The following PAG1 variants were observed in gnomAD, a reference collection of about 807,000 sequenced individuals.
The protein encoded by PAG1 is phosphoprotein associated with glycosphingolipid-enriched microdomains 1.
A neutral mutation model predicts 31.7 loss-of-function variants in PAG1; 23 were observed. The observed-to-expected ratio is 0.73, with a 90% confidence interval of 0.52 to 1.03. The LOEUF (loss-of-function observed/expected upper bound fraction) is 1.03, where lower values mean the gene tolerates loss of function less well. Ranked by LOEUF, PAG1 falls within the 50% of genes least tolerant of loss-of-function variation. The pLI, the probability that PAG1 is intolerant of heterozygous loss-of-function variation, is 0.00. For synonymous variants in PAG1, 214 were observed against 210.3 expected (o/e 1.02, Z -0.15); for missense variants, 473 against 540.7 (o/e 0.87, Z 1.24).
intron 8 of PAG1, among the ~76,000 whole-genome samples, chr8:80,978,474 A>T (rs1431371194): frequency 6.6e-6 from 1 of 152,162 alleles, no homozygotes; most frequent in Non-Finnish European, 1.5e-5. Flanking sequence ...GTGAGGGGAG[A>T]CGGCATACCA....
chr8:81,043,568 A>G (rs1274512051), intron 2 of PAG1, among the ~76,000 whole-genome samples: 1 of 152,206 alleles, frequency 6.6e-6, no homozygotes. Flanking sequence ...CATTCAATGA[A>G]TGGTGTGGTT....
chr8:80,986,736 C>T (rs1047077950), intron 6 of PAG1, among the ~76,000 whole-genome samples: 3 of 146,442 alleles, frequency 2.0e-5, no homozygotes, highest in Admixed American at 7.0e-5. Flanking sequence ...AGATGACTCC[C>T]GGATGAGAGG....
chr8:81,059,042 C>T (rs1038339323), intron 2 of PAG1, among the ~76,000 whole-genome samples: 4 of 151,952 alleles, frequency 2.6e-5, no homozygotes, highest in Non-Finnish European at 5.9e-5. Flanking sequence ...GGTTCCAGAA[C>T]CCCCCTCAGA....
chr8:80,987,516 C>T, intron 5 of PAG1, 50 bp from the exon 6 acceptor site: 1 of 1,283,758 alleles, frequency 7.8e-7, no homozygotes. Context: ...TGCTAAGAAT[C>T]TGGACTGCAG....
intron 1 of PAG1, among the ~76,000 whole-genome samples, chr8:81,106,492 T>C (rs1462688048): frequency 6.6e-6 from 1 of 152,170 alleles, no homozygotes; most frequent in Non-Finnish European, 1.5e-5. Flanking sequence ...ATAAACAGTC[T>C]ACATTTAGGA....
At chr8:81,059,487 C>T (rs1207468527) in intron 2 of PAG1, among the ~76,000 whole-genome samples, 1 of 152,066 alleles carries the variant, frequency 6.6e-6, no homozygotes, top group African/African-American at 2.4e-5. Flanking sequence ...ATACCTCCTG[C>T]TTGGAAGAAG....
intron 1 of PAG1, among the ~76,000 whole-genome samples, chr8:81,103,801 CCTT>C (rs933865200): frequency 1.1e-4 from 16 of 152,224 alleles, no homozygotes; most frequent in African/African-American, 3.9e-4. Context: ...TCATTTATCA[CCTT>C]CTCTTTCAGT....
Position 80,976,612 on chromosome 8 carries a change from C to G in PAG1, c.1231G>C (p.Val411Leu), listed in dbSNP as rs193072874. ...TLGTNGHHGL[V>L]PKENDYESIS... ...CTCTCGTAGTCGTTCTCCTTTGGGA[C>G]GAGACCGTGGTGGCCATTGGTCCCC... Residue 411 changes from valine (V) to leucine (L), a missense_variant, in exon 9 of 9, where the codon GTC becomes CTC. Coordinates refer to ENST00000220597, the MANE Select transcript of PAG1 (RefSeq NM_018440.4). 6.2e-7 allele frequency: 1 copy of G among 1,614,048 alleles called. No individual in the cohort carries two copies. Among genetic ancestry groups the G allele is most frequent in the South Asian group, 1.1e-5 (1 of 91,084 alleles).
intron 6 of PAG1, among the ~76,000 whole-genome samples, chr8:80,986,184 A>G (rs1807416013): frequency 1.3e-5 from 2 of 152,146 alleles, no homozygotes; most frequent in African/African-American, 4.8e-5. Flanking sequence ...AATTAGAAAT[A>G]GTGTTTCCAA....
rs1474621287 is a variant in PAG1, at chr8:81,065,139, T to C, written c.-175+4973A>G. On this transcript the variant is annotated intron_variant, in intron 2 of 8. Coordinates refer to ENST00000220597, the MANE Select transcript of PAG1 (RefSeq NM_018440.4). ...CCTCTAACTGGAGCTGTGTCCTCCC[T>C]GGCCCCCTTGGTGTCCTCAATGGCA... Among the ~76,000 whole-genome samples the C allele has an allele frequency of 2.0e-5, 3 of 152,200 alleles. No individual in the cohort carries two copies. The East Asian group carries it at 5.8e-4, about 29-fold the overall frequency.
intron 7 of PAG1, 69 bp downstream of exon 7, chr8:80,984,707 T>A: frequency 6.9e-7 from 1 of 1,456,584 alleles, no homozygotes; most frequent in Non-Finnish European, 9.4e-7. Context: ...CCAGAACAAC[T>A]CCAGGGCCAG....
intron 1 of PAG1, 91 bp from the exon 2 acceptor site, chr8:81,070,261 T>C (rs1809071377): frequency 6.6e-6 from 1 of 152,232 alleles, no homozygotes; most frequent in Non-Finnish European, 1.5e-5. Context: ...TCTTGTTATT[T>C]ACTTATTTAA....
intron 1 of PAG1, among the ~76,000 whole-genome samples, chr8:81,076,433 A>G (rs1809179304): frequency 6.6e-6 from 1 of 152,244 alleles, no homozygotes; most frequent in Admixed American, 6.5e-5. Flanking sequence ...TAATAAGCCT[A>G]TGTACACACA....
chr8:81,102,001 C>T (rs1809617301), intron 1 of PAG1, among the ~76,000 whole-genome samples: 2 of 152,040 alleles, frequency 1.3e-5, no homozygotes, highest in Admixed American at 6.5e-5. Flanking sequence ...TTAATAAATA[C>T]AGTAGTGTCA....
At chr8:81,084,037 A>G (rs76520630) in intron 1 of PAG1, among the ~76,000 whole-genome samples, 2 of 122,040 alleles carry the variant, frequency 1.6e-5, no homozygotes, top group Admixed American at 7.5e-5. Flanking sequence ...TCCATCTTAG[A>G]AAAAAAAAAA....
intron 1 of PAG1, among the ~76,000 whole-genome samples, chr8:81,095,879 G>A (rs1489063161): frequency 6.6e-6 from 1 of 152,216 alleles, no homozygotes; most frequent in Non-Finnish European, 1.5e-5. Flanking sequence ...CAACAGCAGG[G>A]TGGTATTTGC....
intron 3 of PAG1, among the ~76,000 whole-genome samples, chr8:81,015,790 C>T (rs951651287): frequency 6.6e-6 from 1 of 152,180 alleles, no homozygotes; most frequent in African/African-American, 2.4e-5. Flanking sequence ...GTCTTCCCCT[C>T]CCTGTATCCT....
At chr8:81,009,915 C>T (rs1301790141) in intron 3 of PAG1, among the ~76,000 whole-genome samples, 1 of 152,158 alleles carries the variant, frequency 6.6e-6, no homozygotes, top group Non-Finnish European at 1.5e-5. Context: ...GTGCCCAGGC[C>T]AAACTTTTTA....
Position 80,974,831 on chromosome 8 carries a change from A to C in PAG1, c.*1713T>G, listed in dbSNP as rs1055541832. ...GAAAAGCTGTCTTTCCATAGCCCAC[A>C]CTCATAATAGCACTTCAACTAGGCT... On this transcript the variant is annotated 3_prime_UTR_variant, in exon 9 of 9. Coordinates refer to ENST00000220597, the MANE Select transcript of PAG1 (RefSeq NM_018440.4). The C allele has an allele frequency of 1.3e-5, 2 of 152,158 alleles. No homozygotes were observed. Among genetic ancestry groups the C allele is most frequent in the Non-Finnish European group, 2.9e-5 (2 of 68,034 alleles). 9.4% of individuals were successfully genotyped at this position (152,158 alleles called of 1,614,324 possible).
Sources: allele counts gnomAD v4.1 joint callset (sites outside exome capture counted in the v4.1 genomes callset), GRCh38; gene constraint gnomAD v4.1.1; transcripts MANE v1.5; gene names NCBI Gene and HGNC (gene_info 2026-07-23, HGNC 2026-07-21).